CDH13: variants seen among roughly 807,000 people sequenced by gnomAD.
CDH13 encodes the protein cadherin 13.
CDH13 carries 24 observed loss-of-function variants against 63.8 expected under a neutral mutation model. The observed-to-expected ratio is 0.38, with a 90% CI of 0.27 to 0.53. The LOEUF (loss-of-function observed/expected upper bound fraction) is 0.53. Among genes scored for constraint, CDH13 ranks in the 20% least tolerant of loss-of-function variants. CDH13 has a pLI of 0.85. For missense variants in CDH13, 1,049 were observed against 903.1 expected, an observed-to-expected ratio of 1.16 and a Z score of -2.07; for synonymous variants, 503 against 355.3, an observed-to-expected ratio of 1.42 and a Z score of -4.67.
At chr16:82,767,977 G>A (rs76468242) in intron 1 of CDH13, among the ~76,000 whole-genome samples, 11,996 of 152,214 alleles carry the variant, frequency 0.079, 597 homozygotes, top group East Asian at 0.23. Flanking sequence ...GAAGAGTGAG[G>A]AGTGATGGGG....
chr16:83,583,262 A>G (rs796786976), intron 7 of CDH13, among the ~76,000 whole-genome samples: 6 of 152,274 alleles, frequency 3.9e-5, no homozygotes, highest in African/African-American at 1.4e-4. Flanking sequence ...ACTTAATTAC[A>G]TCTGCAGAGA....
intron 1 of CDH13, among the ~76,000 whole-genome samples, chr16:82,681,158 C>T (rs942639414): frequency 9.2e-5 from 14 of 152,294 alleles, no homozygotes; most frequent in African/African-American, 3.1e-4. Context: ...AATGCATCCA[C>T]GTGATAAAAT....
chr16:83,446,553 G>C (rs1361061776), intron 6 of CDH13, among the ~76,000 whole-genome samples: 1 of 152,170 alleles, frequency 6.6e-6, no homozygotes, highest in Non-Finnish European at 1.5e-5. Context: ...AGTCCATTCT[G>C]CTGAACAATG....
At position 82,672,001 on chromosome 16, in the gene CDH13, G is replaced by C. The variant is rs79144041; in HGVS notation, c.45+44864G>C. Among the ~76,000 whole-genome samples, 3,422 of 152,208 alleles carry C rather than the reference G, an allele frequency of 0.022. 263 individuals are homozygous for C. The East Asian group carries it at 0.25, about 11-fold the overall frequency. On this transcript the variant is annotated intron_variant, in intron 1 of 13. Transcript: ENST00000567109. Reference sequence around the variant, plus strand: ...CTGAGACTATCACCTGCTTTGGAAAGAATGGCATCATTTCCAGAATGCCCC... The same window carrying C: ...CTGAGACTATCACCTGCTTTGGAAACAATGGCATCATTTCCAGAATGCCCC...
intron 10 of CDH13, among the ~76,000 whole-genome samples, chr16:83,709,561 A>G (rs866238681): frequency 6.6e-6 from 1 of 152,250 alleles, no homozygotes; most frequent in Non-Finnish European, 1.5e-5. Flanking sequence ...GGCTTTATAC[A>G]TAGCAAACAC....
intron 7 of CDH13, among the ~76,000 whole-genome samples, chr16:83,530,091 C>A (rs564246256): frequency 1.3e-5 from 2 of 152,292 alleles, no homozygotes; most frequent in Admixed American, 6.5e-5. Flanking sequence ...TCCTTCTAAA[C>A]CCATGGCTCT....
Position 83,047,091 on chromosome 16 carries a change from A to G in CDH13, c.366+14873A>G, listed in dbSNP as rs979432892. ...GCAAATTAGGATTCCTTTGACAGCA[A>G]CTTTTTACAACTTCCTTCCTTTGAA... On this transcript the variant is annotated intron_variant, in intron 3 of 13. Transcript: ENST00000567109. This position sits in a 1 kb window ranked among gnomAD's most constrained non-coding sequence, Gnocchi z 4.9. 8.5e-5 allele frequency among the ~76,000 whole-genome samples: 13 copies of G among 152,298 alleles called. No individual in the cohort carries two copies. The East Asian group carries it at 2.1e-3, about 25-fold the overall frequency.
At chr16:82,805,101 C>T (rs1333560588) in intron 1 of CDH13, among the ~76,000 whole-genome samples, 1 of 152,096 alleles carries the variant, frequency 6.6e-6, no homozygotes, top group African/African-American at 2.4e-5. Flanking sequence ...AGAGTGTGGA[C>T]TTGCTTTTCA....
chr16:83,232,118 T>C (rs1159643780), intron 5 of CDH13, among the ~76,000 whole-genome samples: 3 of 151,162 alleles, frequency 2.0e-5, no homozygotes, highest in African/African-American at 4.9e-5. Flanking sequence ...TAATACCTGA[T>C]TGATGAAATA....
intron 7 of CDH13, among the ~76,000 whole-genome samples, chr16:83,503,016 G>T (rs2074317121): frequency 5.3e-5 from 8 of 152,170 alleles, no homozygotes; most frequent in Admixed American, 5.2e-4. Flanking sequence ...GAGCTCGTTG[G>T]TTATGCTTCA....
At chr16:83,239,049 C>T (rs1287631220) in intron 5 of CDH13, among the ~76,000 whole-genome samples, 2 of 152,204 alleles carry the variant, frequency 1.3e-5, no homozygotes, top group African/African-American at 4.8e-5. Context: ...TCCATGGGCG[C>T]TTAAGAAGCT....
intron 2 of CDH13, among the ~76,000 whole-genome samples, chr16:82,941,938 T>C (rs148641034): frequency 8.9e-4 from 136 of 152,306 alleles, no homozygotes; most frequent in Non-Finnish European, 1.3e-3. Context: ...TCTTCATATA[T>C]CCTGAATATA....
intron 2 of CDH13, among the ~76,000 whole-genome samples, chr16:82,974,771 G>A (rs1909261810): frequency 6.6e-6 from 1 of 152,214 alleles, no homozygotes; most frequent in African/African-American, 2.4e-5. Context: ...AAAGTGGGCA[G>A]CATGTAGAAC....
intron 13 of CDH13, among the ~76,000 whole-genome samples, chr16:83,785,089 C>T (rs1166516144): frequency 1.3e-5 from 2 of 152,172 alleles, no homozygotes; most frequent in African/African-American, 4.8e-5. Flanking sequence ...TGTCAAAGCA[C>T]AGATAATTCG....
At chr16:83,273,177 T>A (rs1026865971) in intron 5 of CDH13, among the ~76,000 whole-genome samples, 4 of 152,164 alleles carry the variant, frequency 2.6e-5, no homozygotes, top group African/African-American at 9.7e-5. Context: ...TATCAATTTT[T>A]TTTTCTTTTT....
chr16:83,139,404 C>G (rs937949777), intron 4 of CDH13, among the ~76,000 whole-genome samples: 5 of 152,176 alleles, frequency 3.3e-5, no homozygotes, highest in Admixed American at 2.0e-4. Flanking sequence ...GGCCTTCTAG[C>G]CTCAAATTTA....
At chr16:82,738,610 C>T (rs114075630) in intron 1 of CDH13, among the ~76,000 whole-genome samples, 1 of 152,216 alleles carries the variant, frequency 6.6e-6, no homozygotes, top group Non-Finnish European at 1.5e-5. Flanking sequence ...ACAGCACTAC[C>T]TACTAAAATA....
At chr16:83,114,419 A>C (rs931939940) in intron 3 of CDH13, among the ~76,000 whole-genome samples, 11 of 152,166 alleles carry the variant, frequency 7.2e-5, no homozygotes, top group African/African-American at 2.7e-4. Flanking sequence ...ATAAGCACTG[A>C]GTGGTGTAAT....
At chr16:83,106,439 G>T (rs939775387) in intron 3 of CDH13, among the ~76,000 whole-genome samples, 1 of 152,222 alleles carries the variant, frequency 6.6e-6, no homozygotes, top group African/African-American at 2.4e-5. Context: ...TACCTGGGAG[G>T]CTGAGGCAGG....
Sources: gnomAD v4.1 joint callset for allele counts (sites outside exome capture counted in the v4.1 genomes callset) on GRCh38, gnomAD v4.1.1 for gene constraint, Gnocchi (gnomAD v3.1) non-coding constraint, MANE v1.5 for transcripts, NCBI Gene and HGNC (gene_info 2026-07-23, HGNC 2026-07-21) for gene names.